ARHGAP11A: variants seen among roughly 807,000 people sequenced by gnomAD.
ARHGAP11A encodes the protein Rho GTPase activating protein 11A.
Under a neutral mutation model 60.5 loss-of-function variants are expected in ARHGAP11A, and 36 were observed. The ratio of observed to expected loss-of-function variants is 0.59; its 90% CI spans 0.46 to 0.79. The LOEUF (loss-of-function observed/expected upper bound fraction) is 0.79, where lower values mean the gene tolerates loss of function less well. ARHGAP11A is among the 30% of genes least tolerant of loss of function. The pLI, the probability that ARHGAP11A is intolerant of heterozygous loss-of-function variation, is 0.00. For missense variants in ARHGAP11A, 1,071 were observed against 1,199.2 expected, an observed-to-expected ratio of 0.89 and a Z score of 1.58; for synonymous variants, 362 against 415.5, an observed-to-expected ratio of 0.87 and a Z score of 1.57.
intron 5 of ARHGAP11A, 70 bp from the exon 6 acceptor site, chr15:32,625,417 T>C (rs1175630769): frequency 1.2e-5 from 19 of 1,551,306 alleles, no homozygotes; most frequent in South Asian, 2.5e-5. Context: ...GGTATATTAG[T>C]ATCTAAACAT....
rs1336601220 is a variant in ARHGAP11A, at chr15:32,639,429, T to G, written c.*1584T>G. ...ATAGGTTTGTAGATGTTTATGGCAT[T>G]TCTAATTGTAAGTAGAGACAAAATA... On this transcript the variant is annotated 3_prime_UTR_variant, in exon 12 of 12. Transcript: ENST00000361627. The G allele has an allele frequency of 6.6e-6, 1 of 152,250 alleles. No individual in the cohort carries two copies. The highest frequency in any genetic ancestry group is 1.5e-5 in the Non-Finnish European group (1 of 68,042). The allele number at this position is 152,250 out of a possible 1,614,324, so 9.4% of individuals were successfully genotyped here.
Sources: allele counts gnomAD v4.1 joint callset, GRCh38; gene constraint gnomAD v4.1.1; transcripts MANE v1.5; gene names NCBI Gene and HGNC (gene_info 2026-07-23, HGNC 2026-07-21).